SPINDOC: variants seen among roughly 807,000 people sequenced by gnomAD.
SPINDOC encodes the protein spindlin interactor and repressor of chromatin binding.
In SPINDOC, 13 loss-of-function variants were observed where a neutral mutation model predicts 30.7. The ratio of observed to expected loss-of-function variants is 0.42; its 90% CI spans 0.28 to 0.67. The LOEUF (loss-of-function observed/expected upper bound fraction) is 0.67. Ranked by LOEUF, SPINDOC falls within the 30% of genes least tolerant of loss-of-function variation. The pLI is 0.22. For missense variants in SPINDOC, 438 were observed against 518.0 expected (o/e 0.85, Z 1.50); for synonymous variants, 228 against 211.4 (o/e 1.08, Z -0.68).
At chr11:63,820,599 AAC>A (rs2015487558) in intron 5 of SPINDOC, among the ~76,000 whole-genome samples, 1 of 151,882 alleles carries the variant, frequency 6.6e-6, no homozygotes, top group South Asian at 2.1e-4. Context: ...GGCTTAAAAC[AAC>A]ACACATCGGG....
intron 5 of SPINDOC, chr11:63,823,437 T>A: frequency 1.3e-6 from 1 of 761,114 alleles, no homozygotes; most frequent in Non-Finnish European, 1.8e-6. Flanking sequence ...TTAGCTGAGC[T>A]GATGAATGTG....
In SPINDOC at chr11:63,818,220, G is replaced by A. The variant is rs781098001; in HGVS notation, c.462G>A (p.Ser154=). The change falls in exon 3 of 6, where the codon TCG becomes TCA. Residue 154 remains serine (S), a synonymous_variant. Transcript: ENST00000294244. This position sits in a 1 kb window ranked among gnomAD's most constrained non-coding sequence, Gnocchi z 5.3. The part of the protein sequence containing the change: ...AEQPSPPNSD[S]GQDAHPDPDA... ...TTGTGCTCTTGCTCCCTGCAGACTC[G>A]GGCCAGGATGCCCACCCAGACCCAG... 77 of 1,613,944 alleles carry A rather than the reference G, an allele frequency of 4.8e-5. No individual in the cohort carries two copies. The highest frequency in any genetic ancestry group is 1.6e-4 in the Middle Eastern group (1 of 6,084).
intron 1 of SPINDOC, among the ~76,000 whole-genome samples, chr11:63,815,418 C>T (rs150004398): frequency 5.9e-5 from 9 of 152,234 alleles, no homozygotes; most frequent in Non-Finnish European, 1.3e-4. Flanking sequence ...GGGAAGGCTG[C>T]GGTGCTCTTG....
In SPINDOC at chr11:63,818,395, G is replaced by A. The variant is rs772089401; in HGVS notation, c.607+30G>A. 3.4e-5 allele frequency: 55 copies of A among 1,610,994 alleles called. No homozygotes were observed. Among genetic ancestry groups the A allele is most frequent in the Middle Eastern group, 1.6e-4 (1 of 6,070 alleles). On this transcript the variant is annotated intron_variant, in intron 3 of 5. Coordinates refer to ENST00000294244, the MANE Select transcript of SPINDOC (RefSeq NM_138471.3). This position sits in a 1 kb window ranked among gnomAD's most constrained non-coding sequence, Gnocchi z 5.3. The stretch of plus-strand genomic sequence containing the variant: ...GTCAACAGAGAAGCCAGTGAGCCCC[G>A]GTGGAGGTGGGGGTTTGGGGACAGG...
At chr11:63,815,821 G>T (rs1315782208) in intron 1 of SPINDOC, among the ~76,000 whole-genome samples, 1 of 150,194 alleles carries the variant, frequency 6.7e-6, no homozygotes, top group Non-Finnish European at 1.5e-5. Context: ...AAGCTGTAGT[G>T]CAATGGCACA....
At chr11:63,824,570 G>A (rs1041936558) in intron 5 of SPINDOC, among the ~76,000 whole-genome samples, 7 of 151,232 alleles carry the variant, frequency 4.6e-5, no homozygotes, top group South Asian at 2.1e-4. Flanking sequence ...GTCGGTACTC[G>A]CTCCCTGGGA....
chr11:63,816,981 A>G (rs1366310344), intron 1 of SPINDOC, among the ~76,000 whole-genome samples: 1 of 151,576 alleles, frequency 6.6e-6, no homozygotes, highest in African/African-American at 2.4e-5. Context: ...CAGCCTGGGC[A>G]ACATAGCAAG....
Position 63,827,045 on chromosome 11 carries a change from G to C in SPINDOC, c.1052G>C (p.Arg351Pro), listed in dbSNP as rs146914103. Residue 351 changes from arginine (R) to proline (P), a missense_variant, in exon 6 of 6, where the codon CGT becomes CCT. Physicochemically the swap from Arg to Pro is moderately radical, Grantham distance 103. Transcript: ENST00000294244. ...TCCAGGCACCCCCAGGGCACCAAGC[G>C]TGTGGGAGCAGGTGACACCTCAGAC... The part of the protein sequence containing the change: ...DWSRHPQGTK[R>P]VGAGDTSDWP... 1 of 1,614,212 alleles carries C rather than the reference G, an allele frequency of 6.2e-7. No individual in the cohort carries two copies. The highest frequency in any genetic ancestry group is 8.5e-7 in the Non-Finnish European group (1 of 1,180,024).
Position 63,827,260 on chromosome 11 carries a change from G to C in SPINDOC, c.*121G>C. The stretch of plus-strand genomic sequence containing the variant: ...GTAGAAACAGGTGCCAGGGCAGGAG[G>C]GGGCTGGGGCAGCATCCACTGTTAT... On this transcript the variant is annotated 3_prime_UTR_variant, in exon 6 of 6. Coordinates refer to ENST00000294244, the MANE Select transcript of SPINDOC (RefSeq NM_138471.3). 6.8e-7 allele frequency: 1 copy of C among 1,468,856 alleles called. No individual in the cohort carries two copies. The highest frequency in any genetic ancestry group is 9.1e-7 in the Non-Finnish European group (1 of 1,098,876). The allele number at this position is 1,468,856 out of a possible 1,614,324, so 91.0% of individuals were successfully genotyped here. A position where few individuals can be genotyped will look rare whatever the true frequency, so the allele number is the denominator to read the frequency against.
At chr11:63,815,055 A>C (rs563076645) in intron 1 of SPINDOC, among the ~76,000 whole-genome samples, 2 of 152,238 alleles carry the variant, frequency 1.3e-5, no homozygotes, top group African/African-American at 4.8e-5. Flanking sequence ...TATATATACC[A>C]ATGGCTAAAG....
At chr11:63,825,579 G>A (rs1404567887) in intron 5 of SPINDOC, among the ~76,000 whole-genome samples, 4 of 152,136 alleles carry the variant, frequency 2.6e-5, no homozygotes, top group South Asian at 2.1e-4. Context: ...TCCATTCACC[G>A]CTGTACCCCT....
chr11:63,818,428 A>G lies in SPINDOC; in HGVS notation c.607+63A>G. On this transcript the variant is annotated intron_variant, in intron 3 of 5. Transcript: ENST00000294244. The surrounding 1 kb of genome is among the most constrained non-coding windows in gnomAD (Gnocchi z 5.3). ...TGGGGGTTTGGGGACAGGGTGAAAT[A>G]CAGGCCCTGTGTTCTGGGCAGGTAT... The G allele has an allele frequency of 1.1e-5, 18 of 1,606,964 alleles. No individual in the cohort carries two copies. Among genetic ancestry groups the G allele is most frequent in the Non-Finnish European group, 1.4e-5 (17 of 1,177,206 alleles).
intron 5 of SPINDOC, among the ~76,000 whole-genome samples, chr11:63,820,166 G>A (rs1234496344): frequency 6.6e-6 from 1 of 152,118 alleles, no homozygotes; most frequent in African/African-American, 2.4e-5. Context: ...GGCAGGCTGA[G>A]GCGGGCAGAT....
At position 63,818,462 on chromosome 11, in the gene SPINDOC, G is replaced by T. The variant is rs1303461800; in HGVS notation, c.608-65G>T. On this transcript the variant is annotated intron_variant, in intron 3 of 5. Transcript: ENST00000294244. This position sits in a 1 kb window ranked among gnomAD's most constrained non-coding sequence, Gnocchi z 5.3. ...GTGTTCTGGGCAGGTATCTTCAGGA[G>T]CCCTGGGGTGGCAGGGTTCGGGGAT... 8 of 1,604,006 alleles carry T rather than the reference G, an allele frequency of 5.0e-6. No individual in the cohort carries two copies. The South Asian group carries it at 7.7e-5, about 15-fold the overall frequency.
At chr11:63,825,594 A>G (rs923348015) in intron 5 of SPINDOC, among the ~76,000 whole-genome samples, 2 of 152,212 alleles carry the variant, frequency 1.3e-5, no homozygotes, top group Non-Finnish European at 2.9e-5. Context: ...ACCCCTAGCA[A>G]TCCAAACGGC....
chr11:63,822,129 G>A (rs1226312885), intron 5 of SPINDOC, among the ~76,000 whole-genome samples: 1 of 152,044 alleles, frequency 6.6e-6, no homozygotes, highest in African/African-American at 2.4e-5. Context: ...GATTGCCTGA[G>A]GCTAGGTGTT....
chr11:63,827,431 C>T lies in SPINDOC; in HGVS notation c.*292C>T, dbSNP rs1240889446. ...CCCACCTCTGTTTGTCCCCCATGAC[C>T]TCCTCCCACCCTCCCCCTGCTCCCC... On this transcript the variant is annotated 3_prime_UTR_variant, in exon 6 of 6. Coordinates refer to ENST00000294244, the MANE Select transcript of SPINDOC (RefSeq NM_138471.3). 2 of 495,908 alleles carry T rather than the reference C, an allele frequency of 4.0e-6. No individual in the cohort carries two copies. Among genetic ancestry groups the T allele is most frequent in the East Asian group, 7.3e-5 (2 of 27,508 alleles). The allele number at this position is 495,908 out of a possible 1,614,324, so 30.7% of individuals were successfully genotyped here.
intron 5 of SPINDOC, among the ~76,000 whole-genome samples, chr11:63,820,964 A>T: frequency 6.6e-6 from 1 of 151,284 alleles, no homozygotes; most frequent in African/African-American, 2.4e-5. Flanking sequence ...AGACAGGAGG[A>T]TTGTTTCAGC....
intron 5 of SPINDOC, chr11:63,823,378 G>A (rs1027268371): frequency 2.5e-6 from 3 of 1,176,820 alleles, no homozygotes; most frequent in Non-Finnish European, 3.2e-6. Context: ...AAAATTAGAG[G>A]TGTAAAAATC....
Sources: gnomAD v4.1 joint callset for allele counts (sites outside exome capture counted in the v4.1 genomes callset) on GRCh38, gnomAD v4.1.1 for gene constraint, Gnocchi (gnomAD v3.1) non-coding constraint, MANE v1.5 for transcripts, NCBI Gene and HGNC (gene_info 2026-07-23, HGNC 2026-07-21) for gene names.